The following TASP1 variants were observed in gnomAD, a reference collection of about 807,000 sequenced individuals.
TASP1 encodes the protein threonine aspartase 1.
A neutral mutation model predicts 56.6 loss-of-function variants in TASP1; 16 were observed. That is an observed-to-expected ratio of 0.28 (90% CI 0.19 to 0.43). The LOEUF (loss-of-function observed/expected upper bound fraction) is 0.43. Ranked by LOEUF, TASP1 falls within the 20% of genes least tolerant of loss-of-function variation. TASP1 has a pLI of 1.00. For missense variants in TASP1, 393 were observed against 511.6 expected, an observed-to-expected ratio of 0.77 and a Z score of 2.24; for synonymous variants, 179 against 184.2, an observed-to-expected ratio of 0.97 and a Z score of 0.23.
intron 7 of TASP1, among the ~76,000 whole-genome samples, chr20:13,562,031 A>G (rs2046360440): frequency 6.6e-6 from 1 of 152,232 alleles, no homozygotes; most frequent in South Asian, 2.1e-4. Flanking sequence ...AAAATGTCCC[A>G]TTTGTGTGTG....
At chr20:13,602,169 G>A (rs1388649670) in intron 4 of TASP1, among the ~76,000 whole-genome samples, 6 of 150,866 alleles carry the variant, frequency 4.0e-5, no homozygotes, top group East Asian at 2.0e-4. Context: ...GTGAGCCACC[G>A]CACCCGGCCA....
the TASP1 span, among the ~76,000 whole-genome samples, chr20:13,374,534 G>C: frequency 5.9e-5 from 9 of 152,218 alleles, no homozygotes; most frequent in African/African-American, 2.2e-4. Context: ...ATTTTTAGTA[G>C]AGATGGGGTT....
intron 1 of TASP1, 91 bp downstream of exon 1, chr20:13,638,803 G>A (rs956706653): frequency 2.6e-5 from 4 of 152,456 alleles, no homozygotes; most frequent in Admixed American, 2.0e-4. Flanking sequence ...ACCCGGAGAG[G>A]ACGTCCCAGC....
chr20:13,504,000 A>C (rs2044041479), intron 10 of TASP1, among the ~76,000 whole-genome samples: 1 of 152,138 alleles, frequency 6.6e-6, no homozygotes, highest in African/African-American at 2.4e-5. Context: ...TGGAAGTTCA[A>C]ACAGGAGAAG....
At chr20:13,266,496 G>C in the TASP1 span, among the ~76,000 whole-genome samples, 1 of 152,030 alleles carries the variant, frequency 6.6e-6, no homozygotes, top group Non-Finnish European at 1.5e-5. Flanking sequence ...AGTCACAAGA[G>C]GAAACATTGC....
At chr20:13,556,985 C>T (rs1379782121) in intron 8 of TASP1, among the ~76,000 whole-genome samples, 1 of 152,184 alleles carries the variant, frequency 6.6e-6, no homozygotes, top group Non-Finnish European at 1.5e-5. Flanking sequence ...AGAGCATGAG[C>T]TTCCTCCATC....
At chr20:13,490,850 AG>A (rs1428167379) in intron 10 of TASP1, among the ~76,000 whole-genome samples, 1 of 152,122 alleles carries the variant, frequency 6.6e-6, no homozygotes, top group Non-Finnish European at 1.5e-5. Flanking sequence ...ACTACCTCAC[AG>A]GGTTGTTTTG....
chr20:13,592,397 C>CA (rs34379997), intron 4 of TASP1, among the ~76,000 whole-genome samples: 13,698 of 138,184 alleles, frequency 0.099, 991 homozygotes, highest in African/African-American at 0.2. Context: ...AACACTGTCT[C>CA]AAAAAAAAAA....
the TASP1 span, among the ~76,000 whole-genome samples, chr20:13,183,310 T>C: frequency 2.2e-3 from 342 of 152,336 alleles, 1 homozygote; most frequent in Non-Finnish European, 3.7e-3. Context: ...CCATCCATCC[T>C]TAGCTGAGAT....
At chr20:13,364,548 G>A in the TASP1 span, among the ~76,000 whole-genome samples, 7 of 152,192 alleles carry the variant, frequency 4.6e-5, no homozygotes, top group South Asian at 1.5e-3. Context: ...TAGACAGATA[G>A]TCAAGGTCCA....
At chr20:13,127,757 C>G in the TASP1 span, among the ~76,000 whole-genome samples, 1 of 152,138 alleles carries the variant, frequency 6.6e-6, no homozygotes, top group Non-Finnish European at 1.5e-5. Context: ...TTCACTAAAG[C>G]AGGGTAAAGG....
intron 13 of TASP1, among the ~76,000 whole-genome samples, chr20:13,395,508 T>C (rs1221041799): frequency 1.3e-5 from 2 of 152,212 alleles, no homozygotes; most frequent in African/African-American, 4.8e-5. Flanking sequence ...TCTGGAATAC[T>C]GTGTATAGTT....
chr20:13,341,086 A>G, the TASP1 span, among the ~76,000 whole-genome samples: 1 of 152,212 alleles, frequency 6.6e-6, no homozygotes, highest in Admixed American at 6.5e-5. Flanking sequence ...TGTCAGTTCT[A>G]AAGTCAGCCT....
chr20:13,386,165 C>G (rs1308261554), downstream of TASP1, among the ~76,000 whole-genome samples: 2 of 152,196 alleles, frequency 1.3e-5, no homozygotes, highest in African/African-American at 4.8e-5. Flanking sequence ...CATCATTAGG[C>G]TGAGCCAGCA....
the TASP1 span, among the ~76,000 whole-genome samples, chr20:13,365,373 G>A: frequency 6.6e-6 from 1 of 152,120 alleles, no homozygotes; most frequent in Non-Finnish European, 1.5e-5. Flanking sequence ...TGGACAATGA[G>A]CACCAAAAAA....
intron 12 of TASP1, among the ~76,000 whole-genome samples, chr20:13,427,084 T>A (rs1273225335): frequency 6.6e-6 from 1 of 152,230 alleles, no homozygotes; most frequent in Non-Finnish European, 1.5e-5. Flanking sequence ...GTGCTCACTG[T>A]GGCATGTGCC....
chr20:13,221,420 T>TCCGGC, the TASP1 span, among the ~76,000 whole-genome samples: 26,117 of 144,544 alleles, frequency 0.18, 2,706 homozygotes, highest in Non-Finnish European at 0.24. Context: ...CAGGGTGGCC[T>TCCGGC]CCGGCCCGGC....
At chr20:13,538,829 G>A (rs1444180995) in intron 8 of TASP1, among the ~76,000 whole-genome samples, 4 of 152,082 alleles carry the variant, frequency 2.6e-5, no homozygotes, top group African/African-American at 9.7e-5. Context: ...GATCTCCTGA[G>A]GCCAGGAGTT....
At chr20:13,283,191 G>A in the TASP1 span, among the ~76,000 whole-genome samples, 1 of 152,202 alleles carries the variant, frequency 6.6e-6, no homozygotes, top group Non-Finnish European at 1.5e-5. Context: ...TAATCCCACA[G>A]ACCCACTTTT....
Sources: gnomAD v4.1 joint callset for allele counts (sites outside exome capture counted in the v4.1 genomes callset) on GRCh38, gnomAD v4.1.1 for gene constraint, MANE v1.5 for transcripts, NCBI Gene and HGNC (gene_info 2026-07-23, HGNC 2026-07-21) for gene names.